Variants in EFL1 observed in about 807,000 individuals in gnomAD.
The protein encoded by EFL1 is elongation factor like GTPase 1.
A neutral mutation model predicts 126.7 loss-of-function variants in EFL1; 76 were observed. That is an observed-to-expected ratio of 0.60 (90% confidence interval 0.50 to 0.73). The LOEUF is 0.73. Ranked by LOEUF, EFL1 falls within the 30% of genes least tolerant of loss-of-function variation. EFL1 has a pLI of 0.00. For missense variants in EFL1, 1,128 were observed against 1,343.2 expected (o/e 0.84, Z 2.50); for synonymous variants, 410 against 448.4 (o/e 0.91, Z 1.08).
At chr15:82,196,253 G>A (rs1482840065) in intron 15 of EFL1, among the ~76,000 whole-genome samples, 1 of 152,088 alleles carries the variant, frequency 6.6e-6, no homozygotes, top group Non-Finnish European at 1.5e-5. Flanking sequence ...CAGTGGTTTT[G>A]CCCCTTACAA....
Position 82,138,840 on chromosome 15 carries a change from G to T in EFL1, c.2992C>A (p.Arg998=). ...CTCTTTGACAAGACAGCATAGACTC[G>T]ACCTGTAAAACCATAAATCTTTTAA... ...DIMATGDVLG[R]VYAVLSKREG... Residue 998 remains arginine (R), a splice_region_variant and synonymous_variant, in exon 19 of 20, where the codon CGA becomes AGA. Transcript: ENST00000268206. 6.2e-7 allele frequency: 1 copy of T among 1,611,352 alleles called. No individual in the cohort carries two copies. Among genetic ancestry groups the T allele is most frequent in the South Asian group, 1.1e-5 (1 of 90,658 alleles).
intron 16 of EFL1, 93 bp from the exon 17 acceptor site, chr15:82,157,953 G>T: frequency 7.7e-7 from 1 of 1,299,022 alleles, no homozygotes; most frequent in Non-Finnish European, 1.0e-6. Flanking sequence ...AAATTACATT[G>T]AAATAAACTC....
At chr15:82,230,701 C>T in intron 8 of EFL1, 147 bp downstream of exon 8, 1 of 881,788 alleles carries the variant, frequency 1.1e-6, no homozygotes, top group Non-Finnish European at 1.6e-6. Flanking sequence ...GACTTGTAAG[C>T]CTTTCCCAAT....
In EFL1 at chr15:82,246,811, G is replaced by A. The variant is rs2074977056; in HGVS notation, c.245-5408C>T. On this transcript the variant is annotated intron_variant, in intron 4 of 19. Transcript: ENST00000268206. ...GAAGGTAAGAATGTCTGCTGAGATT[G>A]TGGAGGAGGGGATGACAGGTAGGCT... is the stretch of plus-strand genomic sequence containing the variant. Among the ~76,000 whole-genome samples the A allele has an allele frequency of 4.6e-5, 7 of 152,178 alleles. No homozygotes were observed. The South Asian group carries it at 1.5e-3, about 32-fold the overall frequency.
chr15:82,182,123 T>C (rs1410359124), intron 15 of EFL1, among the ~76,000 whole-genome samples: 1 of 152,116 alleles, frequency 6.6e-6, no homozygotes, highest in Admixed American at 6.5e-5. Flanking sequence ...CCAGCTGTGG[T>C]GGCACACACC....
chr15:82,180,371 A>AC (rs1388856845), intron 15 of EFL1, among the ~76,000 whole-genome samples: 24 of 103,284 alleles, frequency 2.3e-4, no homozygotes, highest in African/African-American at 8.0e-4. Context: ...AAAAAAAAAA[A>AC]ACAAAAAAAA....
intron 15 of EFL1, among the ~76,000 whole-genome samples, chr15:82,189,945 G>A (rs1460755023): frequency 8.6e-5 from 13 of 151,886 alleles, no homozygotes; most frequent in Middle Eastern, 3.4e-3. Flanking sequence ...GTGAAACCCC[G>A]TCTCTACTAA....
intron 15 of EFL1, among the ~76,000 whole-genome samples, chr15:82,209,559 G>T (rs1228520398): frequency 6.6e-6 from 1 of 152,164 alleles, no homozygotes; most frequent in East Asian, 1.9e-4. Context: ...TAAAGATTTG[G>T]AATCCTAATT....
intron 15 of EFL1, among the ~76,000 whole-genome samples, chr15:82,168,661 TGCCACCAC>T (rs1243649072): frequency 6.6e-6 from 1 of 152,126 alleles, no homozygotes; most frequent in Non-Finnish European, 1.5e-5. Context: ...TACAGGCACT[TGCCACCAC>T]GCCCGGCTAA....
chr15:82,250,447 C>A (rs535584942), intron 4 of EFL1, among the ~76,000 whole-genome samples: 1 of 131,306 alleles, frequency 7.6e-6, no homozygotes, highest in African/African-American at 3.0e-5. Flanking sequence ...CTGTGATGGG[C>A]TGGCATGAAA....
At chr15:82,225,319 A>C (rs536308788) in intron 11 of EFL1, 55 bp from the exon 12 acceptor site, 2 of 1,370,762 alleles carry the variant, frequency 1.5e-6, no homozygotes, top group African/African-American at 1.5e-5. Context: ...AAAAAAAAAA[A>C]ACAGATTTTT....
intron 15 of EFL1, among the ~76,000 whole-genome samples, chr15:82,168,324 T>C (rs924697551): frequency 3.3e-5 from 5 of 152,164 alleles, no homozygotes; most frequent in African/African-American, 1.2e-4. Context: ...AGTGGATCAG[T>C]ATTGCTTAGC....
intron 15 of EFL1, among the ~76,000 whole-genome samples, chr15:82,214,317 T>C (rs1042348040): frequency 1.3e-5 from 2 of 152,182 alleles, no homozygotes; most frequent in Non-Finnish European, 2.9e-5. Flanking sequence ...GATAAAAGCA[T>C]GCGAAAAAAG....
chr15:82,160,637 A>T (rs938760520), intron 16 of EFL1, among the ~76,000 whole-genome samples: 7 of 152,142 alleles, frequency 4.6e-5, no homozygotes, highest in Admixed American at 4.6e-4. Flanking sequence ...ATATAAGCAT[A>T]GGTATCAAAA....
chr15:82,239,900 A>G (rs1439895605), intron 6 of EFL1, among the ~76,000 whole-genome samples: 1 of 152,074 alleles, frequency 6.6e-6, no homozygotes, highest in East Asian at 1.9e-4. Context: ...CTGTTATATC[A>G]CACCCAGGAC....
intron 15 of EFL1, among the ~76,000 whole-genome samples, chr15:82,174,763 T>G (rs1290210964): frequency 2.0e-5 from 3 of 152,162 alleles, no homozygotes; most frequent in Non-Finnish European, 2.9e-5. Flanking sequence ...CCAGATCTAC[T>G]CACAGGCCAC....
At chr15:82,174,652 A>G (rs2074174982) in intron 15 of EFL1, among the ~76,000 whole-genome samples, 2 of 152,106 alleles carry the variant, frequency 1.3e-5, no homozygotes, top group African/African-American at 4.8e-5. Context: ...AGGGAACTGG[A>G]ATGTTTCTTG....
At chr15:82,196,970 T>G (rs957505480) in intron 15 of EFL1, among the ~76,000 whole-genome samples, 2 of 151,350 alleles carry the variant, frequency 1.3e-5, no homozygotes, top group African/African-American at 4.9e-5. Flanking sequence ...AGTCAGAGAT[T>G]GCAGTGAGCC....
chr15:82,245,389 C>T (rs1268663810), intron 4 of EFL1, among the ~76,000 whole-genome samples: 2 of 152,108 alleles, frequency 1.3e-5, no homozygotes, highest in Non-Finnish European at 2.9e-5. Context: ...ATCCTTCTGC[C>T]TCAGTCTCCC....
Sources: allele counts gnomAD v4.1 joint callset (sites outside exome capture counted in the v4.1 genomes callset), GRCh38; gene constraint gnomAD v4.1.1; transcripts MANE v1.5; gene names NCBI Gene and HGNC (gene_info 2026-07-23, HGNC 2026-07-21).